CAMK2D: variants seen among roughly 807,000 people sequenced by gnomAD.
The protein encoded by CAMK2D is calcium/calmodulin dependent protein kinase II delta.
A neutral mutation model predicts 84.0 loss-of-function variants in CAMK2D; 37 were observed. The ratio of observed to expected loss-of-function variants is 0.44; its 90% CI spans 0.34 to 0.58. The LOEUF (loss-of-function observed/expected upper bound fraction) is 0.58. CAMK2D is among the 20% of genes least tolerant of loss of function. The probability of loss-of-function intolerance (pLI) is 0.02; values close to 1 mark genes in which losing one functional copy is unlikely to be tolerated. For missense variants in CAMK2D, 448 were observed against 652.5 expected (o/e 0.69, Z 3.41); for synonymous variants, 202 against 212.5 (o/e 0.95, Z 0.43).
chr4:113,670,763 C>CA (rs753971197), intron 2 of CAMK2D, among the ~76,000 whole-genome samples: 1,300 of 129,450 alleles, frequency 0.01, 10 homozygotes, highest in African/African-American at 0.022. Context: ...ACTAAAAATA[C>CA]AAAAAAAAAA....
rs975803586 is a variant in CAMK2D, at chr4:113,650,637, A to G, written c.220+11076T>C. ...AAACATTTCCAGATCTAATCAAAAT[A>G]TAATGGGATGTTTTATCACTTCAAT... On this transcript the variant is annotated intron_variant, in intron 3 of 20. Transcript: ENST00000511664. 2.4e-4 allele frequency among the ~76,000 whole-genome samples: 37 copies of G among 152,224 alleles called. 1 individual carries two copies. Among genetic ancestry groups the G allele is most frequent in the Admixed American group, 2.3e-3 (35 of 15,282 alleles).
chr4:113,597,185 C>T (rs2098931154), intron 4 of CAMK2D, among the ~76,000 whole-genome samples: 1 of 152,204 alleles, frequency 6.6e-6, no homozygotes, highest in South Asian at 2.1e-4. Flanking sequence ...ATGCATTAAT[C>T]CCTCATGAGA....
At chr4:113,478,220 C>T (rs571312100) in intron 16 of CAMK2D, among the ~76,000 whole-genome samples, 17 of 152,238 alleles carry the variant, frequency 1.1e-4, no homozygotes, top group Middle Eastern at 3.4e-3. Flanking sequence ...CAGATTACAA[C>T]CACACAGCAC....
intron 12 of CAMK2D, chr4:113,513,126 A>G: frequency 2.0e-6 from 2 of 978,784 alleles, no homozygotes; most frequent in Non-Finnish European, 2.4e-6. Context: ...GGGTTCAGTC[A>G]CGGAGGCTCG....
intron 3 of CAMK2D, among the ~76,000 whole-genome samples, chr4:113,609,822 T>C (rs1033988608): frequency 1.3e-5 from 2 of 152,212 alleles, no homozygotes; most frequent in Admixed American, 6.5e-5. Flanking sequence ...TACCAAGTCA[T>C]TAGCCCAAAA....
intron 6 of CAMK2D, among the ~76,000 whole-genome samples, chr4:113,541,457 T>C (rs1056662770): frequency 9.2e-5 from 14 of 152,222 alleles, no homozygotes. Context: ...TCATAATCTT[T>C]ATTAATAAAT....
intron 3 of CAMK2D, among the ~76,000 whole-genome samples, chr4:113,620,364 A>C (rs1178608906): frequency 6.6e-6 from 1 of 152,134 alleles, no homozygotes; most frequent in Non-Finnish European, 1.5e-5. Context: ...ATGATACTAG[A>C]CTTATTATTG....
chr4:113,621,337 G>C (rs1332279680), intron 3 of CAMK2D, among the ~76,000 whole-genome samples: 1 of 151,980 alleles, frequency 6.6e-6, no homozygotes, highest in Non-Finnish European at 1.5e-5. Flanking sequence ...GAATAAAGAA[G>C]ATACATTTTA....
intron 15 of CAMK2D, among the ~76,000 whole-genome samples, chr4:113,501,109 A>G (rs1403499637): frequency 1.3e-5 from 2 of 152,050 alleles, no homozygotes; most frequent in African/African-American, 2.4e-5. Context: ...ATGGAATTAT[A>G]ATGAATAATT....
At chr4:113,558,729 G>A (rs1338759137) in intron 4 of CAMK2D, among the ~76,000 whole-genome samples, 2 of 147,516 alleles carry the variant, frequency 1.4e-5, no homozygotes, top group East Asian at 1.9e-4. Context: ...TGATTTTGCC[G>A]GGTGTGGTGG....
intron 3 of CAMK2D, among the ~76,000 whole-genome samples, chr4:113,650,084 TCAAA>T (rs1471302439): frequency 6.6e-5 from 10 of 151,970 alleles, no homozygotes; most frequent in Admixed American, 2.0e-4. Context: ...AGACTTCAAC[TCAAA>T]CAAAGAAATA....
At chr4:113,565,926 C>A in intron 4 of CAMK2D, among the ~76,000 whole-genome samples, 1 of 152,066 alleles carries the variant, frequency 6.6e-6, no homozygotes. Context: ...TTTAGATGCA[C>A]TTTTGGAAGA....
intron 16 of CAMK2D, among the ~76,000 whole-genome samples, chr4:113,466,213 C>T (rs1379119252): frequency 5.3e-5 from 8 of 151,462 alleles, no homozygotes; most frequent in East Asian, 1.9e-4. Context: ...GCCGAGATCA[C>T]GCCACTGCAC....
intron 4 of CAMK2D, among the ~76,000 whole-genome samples, chr4:113,557,546 A>C (rs2098673267): frequency 6.6e-6 from 1 of 152,198 alleles, no homozygotes; most frequent in South Asian, 2.1e-4. Flanking sequence ...GTCTTTCTGC[A>C]GTGTCTGTGA....
At chr4:113,531,847 G>A (rs1041135382) in intron 7 of CAMK2D, among the ~76,000 whole-genome samples, 7 of 152,178 alleles carry the variant, frequency 4.6e-5, no homozygotes, top group African/African-American at 1.2e-4. Flanking sequence ...GATGGGGAAA[G>A]AAAACTTCAT....
chr4:113,593,743 G>C (rs1434354622), intron 4 of CAMK2D, among the ~76,000 whole-genome samples: 2 of 152,116 alleles, frequency 1.3e-5, no homozygotes, highest in Non-Finnish European at 2.9e-5. Context: ...CAAACCTAGG[G>C]AAATAGAAAT....
At chr4:113,476,396 G>A (rs763700563) in intron 16 of CAMK2D, among the ~76,000 whole-genome samples, 1 of 151,978 alleles carries the variant, frequency 6.6e-6, no homozygotes, top group South Asian at 2.1e-4. Flanking sequence ...TTACGACAAC[G>A]AGATAAATGT....
rs1271408738 is a variant in CAMK2D at position 113,509,634 on chromosome 4, T to C, written c.984+4A>G. On this transcript the variant is annotated splice_donor_region_variant and intron_variant, in intron 13 of 20. Coordinates refer to ENST00000511664, the MANE Select transcript of CAMK2D (RefSeq NM_001321571.2). Reference sequence around the variant, plus strand: ...AATGGATTAGGGGCATCTGTTTAACTTACCTTTACTCCATCTGGTTTCTTC... The same window carrying C: ...AATGGATTAGGGGCATCTGTTTAACCTACCTTTACTCCATCTGGTTTCTTC... 1 of 1,595,436 alleles carries C rather than the reference T, an allele frequency of 6.3e-7. No individual in the cohort carries two copies. Among genetic ancestry groups the C allele is most frequent in the African/African-American group, 1.3e-5 (1 of 74,670 alleles).
At chr4:113,507,974 T>C (rs999416900) in intron 13 of CAMK2D, among the ~76,000 whole-genome samples, 4 of 152,226 alleles carry the variant, frequency 2.6e-5, no homozygotes, top group Admixed American at 6.5e-5. Flanking sequence ...CATTCTGTCA[T>C]GGTCTTTTTA....
Sources: allele counts gnomAD v4.1 joint callset (sites outside exome capture counted in the v4.1 genomes callset), GRCh38; gene constraint gnomAD v4.1.1; transcripts MANE v1.5; gene names NCBI Gene and HGNC (gene_info 2026-07-23, HGNC 2026-07-21).